The following GNG7 variants were observed in gnomAD, a reference collection of about 807,000 sequenced individuals.
GNG7 encodes the protein guanine nucleotide-binding protein G(I)/G(S)/G(O) subunit gamma-7.
A neutral mutation model predicts 4.0 loss-of-function variants in GNG7; 1 was observed. The observed-to-expected ratio is 0.25, with a 90% CI of 0.09 to 1.18. The LOEUF (loss-of-function observed/expected upper bound fraction) is 1.18, where lower values mean the gene tolerates loss of function less well. Among genes scored for constraint, GNG7 ranks in the 50% most tolerant of loss-of-function variants. The probability of loss-of-function intolerance (pLI) is 0.50; values close to 1 mark genes in which losing one functional copy is unlikely to be tolerated. For synonymous variants in GNG7, 34 were observed against 36.9 expected (o/e 0.92, Z 0.29); for missense variants, 86 against 91.9 (o/e 0.94, Z 0.26).
At chr19:2,593,217 G>A (rs73526818) in intron 2 of GNG7, among the ~76,000 whole-genome samples, 9,094 of 152,200 alleles carry the variant, frequency 0.06, 882 homozygotes, top group African/African-American at 0.21. Context: ...AGATTGAGGG[G>A]AGAGGCTTCT....
At chr19:2,694,699 G>A (rs1177614700) in intron 1 of GNG7, among the ~76,000 whole-genome samples, 2 of 152,054 alleles carry the variant, frequency 1.3e-5, no homozygotes, top group East Asian at 3.8e-4. Flanking sequence ...AGCCTCCTGG[G>A]ACCTCAGCAG....
chr19:2,694,671 G>A (rs1242759949), intron 1 of GNG7, among the ~76,000 whole-genome samples: 3 of 152,160 alleles, frequency 2.0e-5, no homozygotes, highest in African/African-American at 7.2e-5. Context: ...CACTCAGGGT[G>A]TGGATTTCAA....
chr19:2,539,991 CCT>C (rs1461413953), intron 3 of GNG7, among the ~76,000 whole-genome samples: 15 of 145,386 alleles, frequency 1.0e-4, no homozygotes, highest in Non-Finnish European at 1.8e-4. Context: ...CTCTCTCTTT[CCT>C]TCCTTTTTTC....
intron 3 of GNG7, among the ~76,000 whole-genome samples, chr19:2,539,587 G>A (rs1978877835): frequency 6.6e-6 from 1 of 152,080 alleles, no homozygotes; most frequent in Non-Finnish European, 1.5e-5. Flanking sequence ...TTACAGGCGG[G>A]AGACACTGCG....
At chr19:2,583,328 GT>G (rs1279423167) in intron 2 of GNG7, among the ~76,000 whole-genome samples, 5 of 152,172 alleles carry the variant, frequency 3.3e-5, no homozygotes, top group Non-Finnish European at 7.3e-5. Context: ...TAAACATAAA[GT>G]TGTACTATTT....
rs67007875 is a variant in GNG7, at chr19:2,662,280, A to G, written c.-134-16000T>C. Reference sequence around the variant, plus strand: ...ATCTCAAAAAAAAAAAAAAAAAAAAATCAACCCAAGATATTTCTGTGACCA... The same window carrying G: ...ATCTCAAAAAAAAAAAAAAAAAAAAGTCAACCCAAGATATTTCTGTGACCA... On this transcript the variant is annotated intron_variant, in intron 1 of 4. Transcript: ENST00000382159. 2.5e-3 allele frequency among the ~76,000 whole-genome samples: 355 copies of G among 143,116 alleles called. 12 individuals are homozygous for G. The highest frequency in any genetic ancestry group is 3.0e-3 in the Admixed American group (42 of 14,086). The allele number at this position is 143,116 out of a possible 152,430, so 93.9% of individuals were successfully genotyped here. A position where few individuals can be genotyped will look rare whatever the true frequency, so the allele number is the denominator to read the frequency against.
chr19:2,524,422 CAT>C (rs1340563953), intron 3 of GNG7, among the ~76,000 whole-genome samples: 1 of 152,168 alleles, frequency 6.6e-6, no homozygotes, highest in Non-Finnish European at 1.5e-5. Flanking sequence ...TCAGTGTGCA[CAT>C]GTGTATGTGT....
chr19:2,667,279 G>A (rs1983335186), intron 1 of GNG7, among the ~76,000 whole-genome samples: 1 of 152,036 alleles, frequency 6.6e-6, no homozygotes, highest in Admixed American at 6.6e-5. Context: ...CAGAGATCAC[G>A]CCACTGCAAC....
At chr19:2,695,189 T>C (rs1913216214) in intron 1 of GNG7, among the ~76,000 whole-genome samples, 1 of 151,862 alleles carries the variant, frequency 6.6e-6, no homozygotes, top group South Asian at 2.1e-4. Flanking sequence ...CCCACCAAGA[T>C]GGGCCAGTCT....
chr19:2,566,598 C>T (rs1386087476), intron 2 of GNG7, among the ~76,000 whole-genome samples: 1 of 152,158 alleles, frequency 6.6e-6, no homozygotes, highest in Non-Finnish European at 1.5e-5. Flanking sequence ...TCCTTCCCCT[C>T]CCACCCCCAC....
intron 4 of GNG7, among the ~76,000 whole-genome samples, chr19:2,518,088 C>T (rs1244656926): frequency 3.9e-5 from 6 of 152,206 alleles, no homozygotes; most frequent in South Asian, 2.1e-4. Flanking sequence ...GGCTCCAGCA[C>T]GTGGCACCTT....
chr19:2,627,039 G>A (rs1982038784), intron 2 of GNG7, among the ~76,000 whole-genome samples: 1 of 152,120 alleles, frequency 6.6e-6, no homozygotes, highest in Non-Finnish European at 1.5e-5. Flanking sequence ...CCAGCTCCTG[G>A]GACTCATCTC....
At chr19:2,650,631 C>T (rs528494095) in intron 1 of GNG7, among the ~76,000 whole-genome samples, 31 of 152,332 alleles carry the variant, frequency 2.0e-4, no homozygotes, top group Non-Finnish European at 2.6e-4. Flanking sequence ...CCTTGGTCTG[C>T]ACTCGGCCTC....
chr19:2,599,320 A>G (rs1191476265), intron 2 of GNG7, among the ~76,000 whole-genome samples: 1 of 151,960 alleles, frequency 6.6e-6, no homozygotes, highest in East Asian at 1.9e-4. Flanking sequence ...AGCAGAATAA[A>G]TACTAGGAGG....
Position 2,538,008 on chromosome 19 carries a change from C to T in GNG7, c.-38+17141G>A, listed in dbSNP as rs371479703. 59 of 386,372 alleles carry T rather than the reference C, an allele frequency of 1.5e-4. 1 individual carries two copies. The highest frequency in any genetic ancestry group is 3.6e-4 in the South Asian group (19 of 52,286). 23.9% of individuals were successfully genotyped at this position (386,372 alleles called of 1,614,324 possible). The stretch of plus-strand genomic sequence containing the variant: ...GGGAGAATTGCTTGAACCTGGAAGG[C>T]GGAGGCTGTAGTGAGCTATGATTGC... On this transcript the variant is annotated intron_variant, in intron 3 of 4. Transcript: ENST00000382159.
At chr19:2,596,119 G>A (rs1000390329) in intron 2 of GNG7, among the ~76,000 whole-genome samples, 1 of 152,182 alleles carries the variant, frequency 6.6e-6, no homozygotes, top group Non-Finnish European at 1.5e-5. Flanking sequence ...AGCACTTTGA[G>A]AGGCCGAGGC....
chr19:2,695,411 C>A (rs1244150151), intron 1 of GNG7, among the ~76,000 whole-genome samples: 1 of 152,172 alleles, frequency 6.6e-6, no homozygotes, highest in African/African-American at 2.4e-5. Flanking sequence ...TCTCCACGGC[C>A]CCCACACCAG....
intron 2 of GNG7, among the ~76,000 whole-genome samples, chr19:2,598,619 T>C (rs1288680956): frequency 2.0e-5 from 3 of 151,214 alleles, no homozygotes; most frequent in Admixed American, 6.6e-5. Context: ...ATCGCGCCAC[T>C]GCACTCCAGC....
intron 2 of GNG7, among the ~76,000 whole-genome samples, chr19:2,607,363 A>T (rs919626348): frequency 6.6e-6 from 1 of 151,822 alleles, no homozygotes; most frequent in Non-Finnish European, 1.5e-5. Context: ...TTTAGTTTCT[A>T]CTAAAAATTC....
Sources: gnomAD v4.1 joint callset for allele counts (sites outside exome capture counted in the v4.1 genomes callset) on GRCh38, gnomAD v4.1.1 for gene constraint, MANE v1.5 for transcripts, NCBI Gene and HGNC (gene_info 2026-07-23, HGNC 2026-07-21) for gene names.